KCNIP4: variants seen among roughly 807,000 people sequenced by gnomAD.
KCNIP4 encodes Kv channel-interacting protein 4.
A neutral mutation model predicts 34.0 loss-of-function variants in KCNIP4; 12 were observed. That is an observed-to-expected ratio of 0.35 (90% CI 0.23 to 0.57). The LOEUF (loss-of-function observed/expected upper bound fraction) is 0.57, where lower values mean the gene tolerates loss of function less well. KCNIP4 is among the 20% of genes least tolerant of loss of function. The pLI is 0.83. For missense variants in KCNIP4, 238 were observed against 311.7 expected (o/e 0.76, Z 1.78); for synonymous variants, 124 against 102.2 (o/e 1.21, Z -1.29).
chr4:21,156,960 A>G (rs999356592), intron 1 of KCNIP4, among the ~76,000 whole-genome samples: 1 of 152,152 alleles, frequency 6.6e-6, no homozygotes, highest in Non-Finnish European at 1.5e-5. Context: ...TTTTGTTCCA[A>G]GTTTAACTGA....
chr4:21,516,868 A>G (rs11937275), intron 1 of KCNIP4, among the ~76,000 whole-genome samples: 48,968 of 151,974 alleles, frequency 0.32, 8,248 homozygotes, highest in South Asian at 0.46. Flanking sequence ...AAGAGTTTAG[A>G]AACATGAAGC....
At chr4:20,989,027 A>C (rs982281403) in intron 1 of KCNIP4, among the ~76,000 whole-genome samples, 2 of 152,180 alleles carry the variant, frequency 1.3e-5, no homozygotes, top group Non-Finnish European at 2.9e-5. Flanking sequence ...TAGAAGCCCA[A>C]ATCCTTTTTT....
At chr4:21,339,265 G>C (rs959610229) in intron 1 of KCNIP4, among the ~76,000 whole-genome samples, 1 of 152,194 alleles carries the variant, frequency 6.6e-6, no homozygotes, top group African/African-American at 2.4e-5. Context: ...CTGAGTAACT[G>C]TAATAAGAAT....
At chr4:20,940,116 C>T (rs569913592) in intron 1 of KCNIP4, among the ~76,000 whole-genome samples, 1 of 152,214 alleles carries the variant, frequency 6.6e-6, no homozygotes, top group South Asian at 2.1e-4. Flanking sequence ...TTGTGGTGGT[C>T]TTCTCCACCT....
chr4:21,355,121 G>A (rs1416136351), intron 1 of KCNIP4, among the ~76,000 whole-genome samples: 2 of 152,270 alleles, frequency 1.3e-5, no homozygotes, highest in East Asian at 3.9e-4. Context: ...AAGACACAAT[G>A]TACCAGATTC....
chr4:21,740,856 A>C (rs181932543), intron 1 of KCNIP4, among the ~76,000 whole-genome samples: 1 of 152,208 alleles, frequency 6.6e-6, no homozygotes, highest in African/African-American at 2.4e-5. Flanking sequence ...TTTCAATGTC[A>C]CAGGTTCACA....
chr4:21,512,957 C>G (rs1364254667), intron 1 of KCNIP4, among the ~76,000 whole-genome samples: 2 of 152,114 alleles, frequency 1.3e-5, no homozygotes, highest in Non-Finnish European at 2.9e-5. Context: ...ATGGGTGTCA[C>G]AAGGATTAGA....
chr4:20,782,671 C>T (rs571829285), intron 3 of KCNIP4, among the ~76,000 whole-genome samples: 1 of 152,124 alleles, frequency 6.6e-6, no homozygotes, highest in Admixed American at 6.5e-5. Context: ...TGGGCTCTTC[C>T]CAACGAAACC....
At chr4:21,432,043 C>A (rs1295990903) in intron 1 of KCNIP4, among the ~76,000 whole-genome samples, 2 of 118,176 alleles carry the variant, frequency 1.7e-5, no homozygotes, top group Admixed American at 1.0e-4. Context: ...CATTAAAGAA[C>A]AAAGATATAA....
chr4:21,032,437 C>A (rs942306124), intron 1 of KCNIP4, among the ~76,000 whole-genome samples: 4 of 151,964 alleles, frequency 2.6e-5, no homozygotes, highest in Non-Finnish European at 5.9e-5. Flanking sequence ...TCTTATAACC[C>A]CTCTAATACC....
chr4:21,015,445 AT>A (rs1230162068), intron 1 of KCNIP4, among the ~76,000 whole-genome samples: 3 of 139,166 alleles, frequency 2.2e-5, no homozygotes, highest in Non-Finnish European at 4.6e-5. Context: ...TATAATATAT[AT>A]ATTATATCAT....
At chr4:21,870,940 C>T (rs1284927993) in intron 1 of KCNIP4, among the ~76,000 whole-genome samples, 1 of 151,818 alleles carries the variant, frequency 6.6e-6, no homozygotes, top group Admixed American at 6.6e-5. Context: ...TAATAGCTAA[C>T]TAAATTCAAA....
chr4:21,146,330 G>A (rs940857172), intron 1 of KCNIP4, among the ~76,000 whole-genome samples: 4 of 152,084 alleles, frequency 2.6e-5, no homozygotes, highest in African/African-American at 9.7e-5. Flanking sequence ...CCCGGGAGGC[G>A]GAGCTTGCAG....
chr4:20,849,543 T>C (rs1473718498), intron 3 of KCNIP4, among the ~76,000 whole-genome samples: 2 of 152,190 alleles, frequency 1.3e-5, no homozygotes, highest in Non-Finnish European at 2.9e-5. Flanking sequence ...GCAGCAGTTG[T>C]GGTGGTCAGA....
At chr4:20,968,132 T>A (rs1279403778) in intron 1 of KCNIP4, among the ~76,000 whole-genome samples, 1 of 152,176 alleles carries the variant, frequency 6.6e-6, no homozygotes, top group Admixed American at 6.5e-5. Flanking sequence ...GAACAAACAC[T>A]TCTCAAAAGA....
At chr4:21,055,562 T>C (rs142099687) in intron 1 of KCNIP4, among the ~76,000 whole-genome samples, 4 of 152,272 alleles carry the variant, frequency 2.6e-5, no homozygotes, top group South Asian at 4.1e-4. Flanking sequence ...AGGTGGTACA[T>C]ACAGACAATG....
chr4:21,560,198 T>C (rs1272045101), intron 1 of KCNIP4, among the ~76,000 whole-genome samples: 1 of 152,132 alleles, frequency 6.6e-6, no homozygotes, highest in African/African-American at 2.4e-5. Context: ...GTTTCACTTG[T>C]ATCCTGATGC....
In KCNIP4 at chr4:20,937,222, C is replaced by CTTTTTTTTTTTTTTTTTTTTTT. The variant is rs397992488; in HGVS notation, c.62-54535_62-54514dup. 2.6e-4 allele frequency among the ~76,000 whole-genome samples: 12 copies of CTTTTTTTTTTTTTTTTTTTTTT among 45,530 alleles called. 1 individual carries two copies. Among genetic ancestry groups the CTTTTTTTTTTTTTTTTTTTTTT allele is most frequent in the Non-Finnish European group, 4.3e-4 (10 of 23,516 alleles). 29.9% of individuals were successfully genotyped at this position (45,530 alleles called of 152,430 possible). On this transcript the variant is annotated intron_variant, in intron 1 of 8. Coordinates refer to ENST00000382152, the MANE Select transcript of KCNIP4 (RefSeq NM_025221.6). Reference sequence around the variant, plus strand: ...TGAGCAAAAGGTGCCCCCAAGGAGTCTTTTTTTTTTTTTTTTTTTTTTTTT... The same window carrying CTTTTTTTTTTTTTTTTTTTTTT: ...TGAGCAAAAGGTGCCCCCAAGGAGTCTTTTTTTTTTTTTTTTTTTTTTTTTTTTTTTTTTTTTTTTTTTTTTT...
At chr4:21,071,766 A>T (rs1308484603) in intron 1 of KCNIP4, among the ~76,000 whole-genome samples, 1 of 152,064 alleles carries the variant, frequency 6.6e-6, no homozygotes, top group Non-Finnish European at 1.5e-5. Context: ...TACATTGGGT[A>T]TATCTCCTAA....
Sources: gnomAD v4.1 joint callset for allele counts (sites outside exome capture counted in the v4.1 genomes callset) on GRCh38, gnomAD v4.1.1 for gene constraint, MANE v1.5 for transcripts, NCBI Gene and HGNC (gene_info 2026-07-23, HGNC 2026-07-21) for gene names.